SLC18B1: variants seen among roughly 807,000 people sequenced by gnomAD.
SLC18B1 encodes solute carrier family 18 member B1.
A neutral mutation model predicts 53.9 loss-of-function variants in SLC18B1; 62 were observed. The ratio of observed to expected loss-of-function variants is 1.15; its 90% CI spans 0.94 to 1.42. The LOEUF (loss-of-function observed/expected upper bound fraction) is 1.42, where lower values mean the gene tolerates loss of function less well. SLC18B1 is among the 40% of genes most tolerant of loss of function. The pLI, the probability that SLC18B1 is intolerant of heterozygous loss-of-function variation, is 0.00. For missense variants in SLC18B1, 598 were observed against 547.3 expected, an observed-to-expected ratio of 1.09 and a Z score of -0.93; for synonymous variants, 217 against 200.9, an observed-to-expected ratio of 1.08 and a Z score of -0.68.
intron 2 of SLC18B1, among the ~76,000 whole-genome samples, chr6:132,791,180 G>A (rs979943074): frequency 2.6e-5 from 4 of 152,120 alleles, no homozygotes; most frequent in East Asian, 1.9e-4. Flanking sequence ...AGGAAAGCCC[G>A]AACTGTCATA....
intron 7 of SLC18B1, 131 bp downstream of exon 7, chr6:132,779,137 C>T (rs1781166807): frequency 3.1e-6 from 3 of 974,208 alleles, no homozygotes; most frequent in Admixed American, 5.6e-5. Context: ...GACACGCTAC[C>T]TCGGTGTGTA....
At chr6:132,798,273 G>T in intron 1 of SLC18B1, 141 bp downstream of exon 1, 1 of 875,496 alleles carries the variant, frequency 1.1e-6, no homozygotes, top group Non-Finnish European at 1.6e-6. Flanking sequence ...AGAAACGCTG[G>T]CCCGAACCCC....
At chr6:132,775,103 G>T (rs1278666730) in intron 8 of SLC18B1, among the ~76,000 whole-genome samples, 4 of 152,142 alleles carry the variant, frequency 2.6e-5, no homozygotes, top group African/African-American at 9.7e-5. Context: ...GTTAATGAAG[G>T]TGCAGCCTTC....
chr6:132,789,890 A>C, intron 3 of SLC18B1, 53 bp from the exon 4 acceptor site: 1 of 1,259,110 alleles, frequency 7.9e-7, no homozygotes. Flanking sequence ...GAAAGTCTAT[A>C]TTGATATAAA....
At position 132,787,589 on chromosome 6, in the gene SLC18B1, G is replaced by T; in HGVS notation, c.354-8C>A. ...GGAACTCGGTCCAATACACTAAAAA[G>T]GAATAAGACAATTCTGAAATGCCAA... On this transcript the variant is annotated splice_region_variant and splice_polypyrimidine_tract_variant and intron_variant, in intron 4 of 13. Transcript: ENST00000275227. 6.5e-7 allele frequency: 1 copy of T among 1,529,918 alleles called. No individual in the cohort carries two copies. Among genetic ancestry groups the T allele is most frequent in the East Asian group, 2.4e-5 (1 of 41,326 alleles). 94.8% of individuals were successfully genotyped at this position (1,529,918 alleles called of 1,614,324 possible).
Position 132,770,348 on chromosome 6 carries a change from G to A in SLC18B1, c.1305-12C>T, listed in dbSNP as rs2114656494. On this transcript the variant is annotated splice_polypyrimidine_tract_variant and intron_variant, in intron 13 of 13. Transcript: ENST00000275227. ...TTTGAGATTTAGACCTACATTGAGG[G>A]AAAGAAGAGATGAATCTCAATATTT... 1 of 1,601,794 alleles carries A rather than the reference G, an allele frequency of 6.2e-7. No homozygotes were observed. The highest frequency in any genetic ancestry group is 8.6e-7 in the Non-Finnish European group (1 of 1,168,992).
chr6:132,792,253 A>C (rs1428603298), intron 2 of SLC18B1, among the ~76,000 whole-genome samples: 2 of 26,046 alleles, frequency 7.7e-5, no homozygotes, highest in African/African-American at 5.5e-4. Context: ...GAAAGAAAGA[A>C]AGAAAGAAAG....
chr6:132,777,901 T>A (rs1781139042), intron 7 of SLC18B1, among the ~76,000 whole-genome samples: 1 of 152,216 alleles, frequency 6.6e-6, no homozygotes, highest in Non-Finnish European at 1.5e-5. Context: ...CTTATGGGTG[T>A]CACACGCGTC....
At chr6:132,793,814 T>C (rs780019816) in intron 2 of SLC18B1, among the ~76,000 whole-genome samples, 40 of 152,214 alleles carry the variant, frequency 2.6e-4, no homozygotes, top group Non-Finnish European at 3.7e-4. Flanking sequence ...TGAACTGAAA[T>C]ACTCAGCCTA....
At chr6:132,796,852 G>T in intron 2 of SLC18B1, 130 bp downstream of exon 2, 1 of 954,060 alleles carries the variant, frequency 1.0e-6, no homozygotes, top group Non-Finnish European at 1.4e-6. Flanking sequence ...ATTGGCTGGA[G>T]TTCTATACAC....
At chr6:132,787,628 T>C (rs1781411946) in intron 4 of SLC18B1, 47 bp from the exon 5 acceptor site, 3 of 1,468,028 alleles carry the variant, frequency 2.0e-6, no homozygotes, top group Non-Finnish European at 2.7e-6. Flanking sequence ...GGTTTTCTTT[T>C]TTTTTTTTTC....
intron 1 of SLC18B1, among the ~76,000 whole-genome samples, chr6:132,797,544 G>A (rs968966341): frequency 6.6e-6 from 1 of 152,166 alleles, no homozygotes; most frequent in Non-Finnish European, 1.5e-5. Flanking sequence ...CTTGCAGTGA[G>A]CCAAGATCGC....
chr6:132,796,917 CA>C (rs1781705966), intron 2 of SLC18B1, 64 bp downstream of exon 2: 2 of 1,519,640 alleles, frequency 1.3e-6, no homozygotes, highest in Non-Finnish European at 1.8e-6. Flanking sequence ...TAAAATAATT[CA>C]AAAGGCTTTT....
intron 7 of SLC18B1, among the ~76,000 whole-genome samples, chr6:132,778,703 G>A (rs959761564): frequency 6.6e-6 from 1 of 152,100 alleles, no homozygotes; most frequent in Non-Finnish European, 1.5e-5. Flanking sequence ...CACTGTGTCA[G>A]TAATAATATT....
rs1387202295 is a variant in SLC18B1 at position 132,773,222 on chromosome 6, T to A, written c.990-134A>T. 2.4e-5 allele frequency: 10 copies of A among 414,236 alleles called. No individual in the cohort carries two copies. The East Asian group carries it at 5.1e-4, about 21-fold the overall frequency. The allele number at this position is 414,236 out of a possible 1,614,324, so 25.7% of individuals were successfully genotyped here. Reference sequence around the variant, plus strand: ...CGATTATGTGCCTAGTCTCATTCCCTTTCCCATCTAACCCATTTCATTCAG... The same window carrying A: ...CGATTATGTGCCTAGTCTCATTCCCATTCCCATCTAACCCATTTCATTCAG... On this transcript the variant is annotated intron_variant, in intron 9 of 13. Transcript: ENST00000275227.
intron 10 of SLC18B1, 103 bp downstream of exon 10, chr6:132,772,890 G>A (rs796676322): frequency 9.4e-6 from 7 of 748,080 alleles, no homozygotes; most frequent in Non-Finnish European, 1.4e-5. Context: ...TTAACATTGG[G>A]GCAAAAATAT....
At chr6:132,788,828 GA>G (rs1158922120) in intron 4 of SLC18B1, among the ~76,000 whole-genome samples, 267 of 70,278 alleles carry the variant, frequency 3.8e-3, no homozygotes, top group South Asian at 9.4e-3. Flanking sequence ...ATCTCAAAAA[GA>G]AAAAAAAAAA....
intron 6 of SLC18B1, 102 bp downstream of exon 6, chr6:132,783,831 C>A (rs1191403225): frequency 4.3e-6 from 4 of 927,354 alleles, no homozygotes; most frequent in Non-Finnish European, 4.4e-6. Context: ...TTTTTAAAAG[C>A]TATTTTTGAT....
At chr6:132,777,268 C>T (rs1362108533) in intron 7 of SLC18B1, among the ~76,000 whole-genome samples, 1 of 151,988 alleles carries the variant, frequency 6.6e-6, no homozygotes, top group African/African-American at 2.4e-5. Flanking sequence ...TGATATAGTC[C>T]ATCATCAGCC....
Sources: gnomAD v4.1 joint callset for allele counts (sites outside exome capture counted in the v4.1 genomes callset) on GRCh38, gnomAD v4.1.1 for gene constraint, MANE v1.5 for transcripts, NCBI Gene and HGNC (gene_info 2026-07-23, HGNC 2026-07-21) for gene names.